The following CAVIN1 variants were observed in gnomAD, a reference collection of about 807,000 sequenced individuals.
CAVIN1 encodes the protein caveolae associated protein 1.
CAVIN1 carries 16 observed loss-of-function variants against 24.0 expected under a neutral mutation model. The ratio of observed to expected loss-of-function variants is 0.67; its 90% CI spans 0.45 to 1.01. The LOEUF (loss-of-function observed/expected upper bound fraction) is 1.01. Among genes scored for constraint, CAVIN1 ranks in the 50% least tolerant of loss-of-function variants. CAVIN1 has a pLI of 0.00. For missense variants in CAVIN1, 510 were observed against 551.7 expected (o/e 0.92, Z 0.76); for synonymous variants, 256 against 256.4 (o/e 1.00, Z 0.02).
Position 42,404,900 on chromosome 17 carries a change from G to A in CAVIN1, c.960C>T (p.Pro320=). The A allele has an allele frequency of 1.9e-6, 3 of 1,614,090 alleles. No individual in the cohort carries two copies. Among genetic ancestry groups the A allele is most frequent in the Non-Finnish European group, 2.5e-6 (3 of 1,179,952 alleles). Reference sequence around the variant, plus strand: ...GGATCTTCTTGACGTGGAAGGTGAAGGGTGGCACCTTGTAGACCGCGGTCT... The same window carrying A: ...GGATCTTCTTGACGTGGAAGGTGAAAGGTGGCACCTTGTAGACCGCGGTCT... The part of the protein sequence containing the change: ...RSKTAVYKVP[P]FTFHVKKIRE... The change falls in exon 2 of 2, where the codon CCC becomes CCT. Residue 320 remains proline, a synonymous_variant. Transcript: ENST00000357037.
At chr17:42,410,164 G>A (rs2085467449) in intron 1 of CAVIN1, among the ~76,000 whole-genome samples, 1 of 152,154 alleles carries the variant, frequency 6.6e-6, no homozygotes, top group Admixed American at 6.6e-5. Flanking sequence ...TAGGGAGAAG[G>A]GACAGATGCC....
At chr17:42,411,191 T>TCAAAAAAAAAAA (rs1272960691) in intron 1 of CAVIN1, among the ~76,000 whole-genome samples, 86 of 5,422 alleles carry the variant, frequency 0.016, 2 homozygotes, top group African/African-American at 0.024. Context: ...GGACTATGTC[T>TCAAAAAAAAAAA]CAAAAAAAAA....
intron 1 of CAVIN1, among the ~76,000 whole-genome samples, chr17:42,406,151 G>A (rs991235314): frequency 1.3e-5 from 2 of 152,140 alleles, no homozygotes; most frequent in African/African-American, 4.8e-5. Flanking sequence ...CTTTCCACCC[G>A]TAGATGATAT....
In CAVIN1 at chr17:42,423,028, G is replaced by A. The variant is rs1019284265; in HGVS notation, c.70C>T (p.Pro24Ser). Residue 24 changes from proline to serine, a missense_variant, in exon 1 of 2, where the codon CCT becomes TCT. By Grantham distance (74) the Pro-to-Ser change is moderately conservative. Coordinates refer to ENST00000357037, the MANE Select transcript of CAVIN1 (RefSeq NM_012232.6). ...GCTGCCTGAGCCCCAGCGGAGGAAG[G>A]CTCCGGGGCCTCGGCGTCGGGGTAC... ...PGYPDAEAPE[P>S]SSAGAQAAEE... 1.9e-6 allele frequency: 3 copies of A among 1,611,994 alleles called. No homozygotes were observed. Among genetic ancestry groups the A allele is most frequent in the Admixed American group, 1.7e-5 (1 of 59,830 alleles).
At chr17:42,405,482 G>C in intron 1 of CAVIN1, 94 bp from the exon 2 acceptor site, 1 of 1,308,738 alleles carries the variant, frequency 7.6e-7, no homozygotes. Flanking sequence ...AGAGAGGGGA[G>C]CATGGGACGC....
At chr17:42,411,369 C>T in intron 1 of CAVIN1, 1 of 909,740 alleles carries the variant, frequency 1.1e-6, no homozygotes, top group South Asian at 5.1e-5. Flanking sequence ...GCCTGGGCAA[C>T]ACAGTCCAAC....
At chr17:42,418,532 C>T (rs540671240) in intron 1 of CAVIN1, among the ~76,000 whole-genome samples, 5 of 152,214 alleles carry the variant, frequency 3.3e-5, no homozygotes, top group South Asian at 4.2e-4. Context: ...CGCCCAGCCC[C>T]GTATTTCCAT....
chr17:42,404,545 A>C lies in CAVIN1; in HGVS notation c.*142T>G, dbSNP rs2145470577. The C allele has an allele frequency of 1.7e-6, 1 of 573,710 alleles. No homozygotes were observed. Among genetic ancestry groups the C allele is most frequent in the African/African-American group, 2.0e-5 (1 of 49,672 alleles). The allele number at this position is 573,710 out of a possible 1,614,324, so 35.5% of individuals were successfully genotyped here. On this transcript the variant is annotated 3_prime_UTR_variant, in exon 2 of 2. Transcript: ENST00000357037. ...CCCATCGGGTCCTAACAGCTCTAAG[A>C]CTGGGAGTGGAGTTCCTGGAGGTGT...
Position 42,416,593 on chromosome 17 carries a change from CAAAAA to C in CAVIN1, c.471+6029_471+6033del, listed in dbSNP as rs34249867. Among the ~76,000 whole-genome samples, 22 of 54,438 alleles carry C rather than the reference CAAAAA, an allele frequency of 4.0e-4. No homozygotes were observed. The East Asian group carries it at 7.6e-3, about 19-fold the overall frequency. The allele number at this position is 54,438 out of a possible 152,430, so 35.7% of individuals were successfully genotyped here. ...GGGCTGCAGAGCTAAGATCCTTTCT[CAAAAA>C]AAAAAAAAAAAAAAAAAAAAGGGAG... On this transcript the variant is annotated intron_variant, in intron 1 of 1. Transcript: ENST00000357037.
At chr17:42,422,476 G>A in intron 1 of CAVIN1, 151 bp downstream of exon 1, 1 of 119,624 alleles carries the variant, frequency 8.4e-6, no homozygotes, top group African/African-American at 3.8e-5. Context: ...CACCCCAGCC[G>A]CGCTCACCGG....
chr17:42,414,676 C>G (rs949922649), intron 1 of CAVIN1, among the ~76,000 whole-genome samples: 1 of 152,012 alleles, frequency 6.6e-6, no homozygotes, highest in Non-Finnish European at 1.5e-5. Flanking sequence ...AGATGCCAGG[C>G]GAGAGGGACA....
chr17:42,410,637 G>T (rs752211867), intron 1 of CAVIN1, among the ~76,000 whole-genome samples: 2 of 152,086 alleles, frequency 1.3e-5, no homozygotes, highest in Admixed American at 1.3e-4. Context: ...AAAGGGGCCG[G>T]GTGCTGTGGC....
At chr17:42,412,213 G>A (rs536600799) in intron 1 of CAVIN1, 1 of 985,146 alleles carries the variant, frequency 1.0e-6, no homozygotes, top group Non-Finnish European at 1.2e-6. Context: ...GATCTTGGGT[G>A]TGGCCAGGTC....
rs1598570804 is a variant in CAVIN1 at position 42,405,471 on chromosome 17, G to A, written c.472-83C>T. On this transcript the variant is annotated intron_variant, in intron 1 of 1. Coordinates refer to ENST00000357037, the MANE Select transcript of CAVIN1 (RefSeq NM_012232.6). ...CTGAGTCAGGGTGGTGACGATCCTGGAGAGAGGGGAGCATGGGACGCTCGT... is the reference window on the plus strand; with the variant it reads ...CTGAGTCAGGGTGGTGACGATCCTGAAGAGAGGGGAGCATGGGACGCTCGT... 4 of 1,420,106 alleles carry A rather than the reference G, an allele frequency of 2.8e-6. No homozygotes were observed. In the East Asian group the frequency reaches 9.1e-5, roughly 32 times the overall value. 88.0% of individuals were successfully genotyped at this position (1,420,106 alleles called of 1,614,324 possible).
chr17:42,407,156 AC>A (rs2085451110), intron 1 of CAVIN1, among the ~76,000 whole-genome samples: 1 of 151,738 alleles, frequency 6.6e-6, no homozygotes, highest in African/African-American at 2.4e-5. Context: ...TCCCTCCCCC[AC>A]CTCCACCCTC....
chr17:42,413,566 GAAA>G (rs60085741), intron 1 of CAVIN1, among the ~76,000 whole-genome samples: 2 of 56,964 alleles, frequency 3.5e-5, no homozygotes, highest in South Asian at 7.0e-4. Flanking sequence ...CTCAAAAAGG[GAAA>G]AAAAAAAAAA....
In CAVIN1 at chr17:42,405,374, C is replaced by G. The variant is rs1455141166; in HGVS notation, c.486G>C (p.Leu162=). 1 of 1,605,402 alleles carries G rather than the reference C, an allele frequency of 6.2e-7. No homozygotes were observed. Among genetic ancestry groups the G allele is most frequent in the Admixed American group, 1.7e-5 (1 of 60,018 alleles). ...ATTTGCTGATGCTCAGTTTGGCCGGCAGCTTCACTTCATCCTAAGGGAAGA... is the reference window on the plus strand; with the variant it reads ...ATTTGCTGATGCTCAGTTTGGCCGGGAGCTTCACTTCATCCTAAGGGAAGA... ...KVMIYQDEVK[L]PAKLSISKSL... The change falls in exon 2 of 2, where the codon CTG becomes CTC. Residue 162 remains leucine, a synonymous_variant. Coordinates refer to ENST00000357037, the MANE Select transcript of CAVIN1 (RefSeq NM_012232.6).
intron 1 of CAVIN1, among the ~76,000 whole-genome samples, chr17:42,415,350 C>T (rs1439858874): frequency 6.6e-6 from 1 of 152,216 alleles, no homozygotes; most frequent in Non-Finnish European, 1.5e-5. Context: ...CTCTCTGGGC[C>T]TCAGCTTCCT....
intron 1 of CAVIN1, among the ~76,000 whole-genome samples, chr17:42,422,279 G>T (rs1047053098): frequency 2.0e-5 from 3 of 152,228 alleles, no homozygotes; most frequent in Admixed American, 6.5e-5. Context: ...AAGTTTGACA[G>T]AGCCAATTAG....
Sources: gnomAD v4.1 joint callset for allele counts (sites outside exome capture counted in the v4.1 genomes callset) on GRCh38, gnomAD v4.1.1 for gene constraint, MANE v1.5 for transcripts, NCBI Gene and HGNC (gene_info 2026-07-23, HGNC 2026-07-21) for gene names.